VPS13B: variants seen among roughly 807,000 people sequenced by gnomAD.
VPS13B encodes the protein intermembrane lipid transfer protein VPS13B.
Under a neutral mutation model 426.4 loss-of-function variants are expected in VPS13B, and 285 were observed. The ratio of observed to expected loss-of-function variants is 0.67; its 90% CI spans 0.61 to 0.74. The LOEUF is 0.74. Among genes scored for constraint, VPS13B ranks in the 30% least tolerant of loss-of-function variants. VPS13B has a pLI of 0.00. For synonymous variants in VPS13B, 1,676 were observed against 1,676.4 expected (o/e 1.00, Z 0.01); for missense variants, 4,537 against 4,782.6 (o/e 0.95, Z 1.51).
intron 55 of VPS13B, among the ~76,000 whole-genome samples, chr8:99,849,296 A>T (rs1198005756): frequency 2.0e-5 from 3 of 152,220 alleles, no homozygotes; most frequent in Non-Finnish European, 2.9e-5. Context: ...CCCCACTTTG[A>T]CCTGAATGTT....
chr8:99,267,174 GT>G (rs1202344276), intron 17 of VPS13B, among the ~76,000 whole-genome samples: 1 of 152,192 alleles, frequency 6.6e-6, no homozygotes, highest in Non-Finnish European at 1.5e-5. Context: ...AATGCTGACA[GT>G]GATATGGACA....
At chr8:99,521,762 C>T (rs1175318274) in intron 30 of VPS13B, among the ~76,000 whole-genome samples, 1 of 152,146 alleles carries the variant, frequency 6.6e-6, no homozygotes, top group African/African-American at 2.4e-5. Context: ...AAATAAATTC[C>T]TACTGTTCTC....
At chr8:99,805,521 C>G (rs563034462) in intron 43 of VPS13B, among the ~76,000 whole-genome samples, 1 of 152,236 alleles carries the variant, frequency 6.6e-6, no homozygotes, top group African/African-American at 2.4e-5. Flanking sequence ...TTGGACAAAA[C>G]TGTAGGTGGT....
At chr8:99,125,579 C>T (rs1415459970) in intron 8 of VPS13B, among the ~76,000 whole-genome samples, 1 of 152,134 alleles carries the variant, frequency 6.6e-6, no homozygotes, top group Non-Finnish European at 1.5e-5. Flanking sequence ...TTAGAATATG[C>T]AAAATCACAG....
chr8:99,044,414 T>TTGTG lies in VPS13B; in HGVS notation c.291+5862_291+5865dup, dbSNP rs111537008. Reference sequence around the variant, plus strand: ...TTTCTTTTTTAAAATAAGTCAATGTTTGTGTGTGTGTGTGTGTTTTTTTAA... The same window carrying TTGTG: ...TTTCTTTTTTAAAATAAGTCAATGTTTGTGTGTGTGTGTGTGTGTGTTTTTTTAA... On this transcript the variant is annotated intron_variant, in intron 3 of 61. Transcript: ENST00000357162. Among the ~76,000 whole-genome samples, 234 of 148,578 alleles carry TTGTG rather than the reference T, an allele frequency of 1.6e-3. 2 individuals are homozygous for TTGTG. Among genetic ancestry groups the TTGTG allele is most frequent in the East Asian group, 2.4e-3 (12 of 5,100 alleles).
chr8:99,313,978 T>C (rs565929741), intron 19 of VPS13B, among the ~76,000 whole-genome samples: 103 of 152,152 alleles, frequency 6.8e-4, no homozygotes, highest in Non-Finnish European at 1.1e-3. Context: ...AGGCACGGGA[T>C]ATAATCTCCT....
Position 99,141,380 on chromosome 8 carries a change from A to G in VPS13B, c.1652-1594A>G, listed in dbSNP as rs748392435. Among the ~76,000 whole-genome samples, 25 of 152,340 alleles carry G rather than the reference A, an allele frequency of 1.6e-4. 1 individual carries two copies. The highest frequency in any genetic ancestry group is 1.6e-3 in the Admixed American group (25 of 15,306). ...AAAAGAAGAGTCTTGTTATACAGTG[A>G]CATCATTTAGGGAGTCTATTATCCC... On this transcript the variant is annotated intron_variant, in intron 12 of 61. Transcript: ENST00000357162.
chr8:99,243,999 A>C (rs1218445026), intron 17 of VPS13B, among the ~76,000 whole-genome samples: 4 of 152,258 alleles, frequency 2.6e-5, no homozygotes, highest in Non-Finnish European at 5.9e-5. Flanking sequence ...GACGAAAGAC[A>C]GACAATCTGT....
At chr8:99,798,852 A>G (rs537374577) in intron 43 of VPS13B, among the ~76,000 whole-genome samples, 25 of 152,336 alleles carry the variant, frequency 1.6e-4, no homozygotes, top group Non-Finnish European at 3.5e-4. Flanking sequence ...CTAATTTTAA[A>G]TGTGAATTTT....
At chr8:99,778,585 A>G in intron 41 of VPS13B, 97 bp from the exon 42 acceptor site, 2 of 1,110,166 alleles carry the variant, frequency 1.8e-6, no homozygotes, top group Non-Finnish European at 2.7e-6. Context: ...AATTTCAATA[A>G]TCAAAAAGTG....
At chr8:99,309,967 G>T (rs546991467) in intron 19 of VPS13B, among the ~76,000 whole-genome samples, 16 of 152,308 alleles carry the variant, frequency 1.1e-4, no homozygotes, top group African/African-American at 3.8e-4. Context: ...GTTCACTCAT[G>T]ATTTGGCTCT....
intron 15 of VPS13B, 145 bp from the exon 16 acceptor site, chr8:99,169,894 T>C: frequency 8.5e-6 from 8 of 938,568 alleles, no homozygotes; most frequent in Non-Finnish European, 1.2e-5. Context: ...TAGAAGAAAA[T>C]GTTGATCGTT....
At chr8:99,108,300 A>G (rs997376924) in intron 5 of VPS13B, among the ~76,000 whole-genome samples, 5 of 152,172 alleles carry the variant, frequency 3.3e-5, no homozygotes, top group South Asian at 2.1e-4. Flanking sequence ...TAGTGCTGCA[A>G]TGAACATACA....
Position 99,034,191 on chromosome 8 carries a change from C to G in VPS13B, c.148-4232C>G, listed in dbSNP as rs548475099. On this transcript the variant is annotated intron_variant, in intron 2 of 61. Coordinates refer to ENST00000357162, the MANE Select transcript of VPS13B (RefSeq NM_152564.5). ...CTTGCCTCGACTAATTTTGTGATGT[C>G]TGTTTCGTGTGCCTTCTGATTTCTC... 5.3e-5 allele frequency among the ~76,000 whole-genome samples: 8 copies of G among 152,280 alleles called. No homozygotes were observed. The South Asian group carries it at 1.2e-3, about 24-fold the overall frequency.
intron 3 of VPS13B, among the ~76,000 whole-genome samples, chr8:99,042,090 A>G (rs964796537): frequency 6.6e-6 from 1 of 151,848 alleles, no homozygotes; most frequent in African/African-American, 2.4e-5. Context: ...TGGTGTGCAG[A>G]GGCCGCGCCA....
intron 39 of VPS13B, among the ~76,000 whole-genome samples, chr8:99,750,543 G>C (rs1358088885): frequency 6.6e-6 from 1 of 152,116 alleles, no homozygotes; most frequent in Non-Finnish European, 1.5e-5. Flanking sequence ...AAAATGTAAA[G>C]CCCATAGTCT....
chr8:99,691,323 G>C lies in VPS13B; in HGVS notation c.6047-8202G>C, dbSNP rs146143824. ...ACAGTGGTGATGGTTGCACAAACTT[G>C]TGTATACTAAAAACAATAAATTGTA... is the stretch of plus-strand genomic sequence containing the variant. On this transcript the variant is annotated intron_variant, in intron 35 of 61. Coordinates refer to ENST00000357162, the MANE Select transcript of VPS13B (RefSeq NM_152564.5). 2.8e-3 allele frequency among the ~76,000 whole-genome samples: 426 copies of C among 151,984 alleles called. 3 individuals are homozygous for C. The highest frequency in any genetic ancestry group is 9.8e-3 in the African/African-American group (406 of 41,450).
At chr8:99,087,389 G>C (rs1263204247) in intron 3 of VPS13B, among the ~76,000 whole-genome samples, 1 of 152,038 alleles carries the variant, frequency 6.6e-6, no homozygotes, top group Non-Finnish European at 1.5e-5. Flanking sequence ...GGAATTCCCT[G>C]ACCCCTTGCA....
chr8:99,024,400 C>T (rs144411898), intron 2 of VPS13B, among the ~76,000 whole-genome samples: 157 of 152,302 alleles, frequency 1.0e-3, no homozygotes, highest in African/African-American at 3.5e-3. Context: ...AGCATTTTCT[C>T]TTATGTTTTC....
Sources: allele counts gnomAD v4.1 joint callset (sites outside exome capture counted in the v4.1 genomes callset), GRCh38; gene constraint gnomAD v4.1.1; transcripts MANE v1.5; gene names NCBI Gene and HGNC (gene_info 2026-07-23, HGNC 2026-07-21).